The following IL10RB variants were observed in gnomAD, a reference collection of about 807,000 sequenced individuals.
IL10RB encodes interleukin 10 receptor subunit beta, also known as interleukin-10 receptor subunit beta.
In IL10RB, 30 loss-of-function variants were observed where a neutral mutation model predicts 38.7. That is an observed-to-expected ratio of 0.78 (90% CI 0.58 to 1.05). IL10RB has a LOEUF of 1.05. IL10RB is among the 50% of genes least tolerant of loss of function. The pLI is 0.00. For synonymous variants in IL10RB, 142 were observed against 145.9 expected, an observed-to-expected ratio of 0.97 and a Z score of 0.19; for missense variants, 328 against 397.1, an observed-to-expected ratio of 0.83 and a Z score of 1.48.
At position 33,296,595 on chromosome 21, in the gene IL10RB, T is replaced by C. The variant is rs998948453; in HGVS notation, c.*238T>C. The C allele has an allele frequency of 3.3e-5, 22 of 658,104 alleles. No individual in the cohort carries two copies. The highest frequency in any genetic ancestry group is 5.3e-5 in the Non-Finnish European group (19 of 357,354). The allele number at this position is 658,104 out of a possible 1,614,324, so 40.8% of individuals were successfully genotyped here. A position where few individuals can be genotyped will look rare whatever the true frequency, so the allele number is the denominator to read the frequency against. On this transcript the variant is annotated 3_prime_UTR_variant, in exon 7 of 7. Transcript: ENST00000290200. Reference sequence around the variant, plus strand: ...AGGCTTTCATGATGTTTTCAGAAGTTGGCCACTGAGAGTGTAATTTTCAGC... The same window carrying C: ...AGGCTTTCATGATGTTTTCAGAAGTCGGCCACTGAGAGTGTAATTTTCAGC...
chr21:33,291,558 G>A (rs1022677181), intron 6 of IL10RB, among the ~76,000 whole-genome samples: 9 of 152,166 alleles, frequency 5.9e-5, no homozygotes, highest in Non-Finnish European at 1.2e-4. Context: ...GAGCCACAGC[G>A]CCTGGCCCAG....
At chr21:33,276,509 G>A (rs758147682) in intron 2 of IL10RB, 87 bp from the exon 3 acceptor site, 58 of 1,025,894 alleles carry the variant, frequency 5.7e-5, no homozygotes, top group African/African-American at 1.6e-4. Flanking sequence ...CTCCCGCGCC[G>A]CCCCCCCCTC....
rs746600389 is a variant in IL10RB at position 33,279,746 on chromosome 21, GC to G, written c.332-5del. 7.5e-5 allele frequency: 121 copies of G among 1,612,926 alleles called. No homozygotes were observed. The highest frequency in any genetic ancestry group is 9.8e-5 in the Non-Finnish European group (115 of 1,179,124). On this transcript the variant is annotated splice_polypyrimidine_tract_variant and splice_region_variant and intron_variant, in intron 3 of 6. Transcript: ENST00000290200. The stretch of plus-strand genomic sequence containing the variant: ...TGATTGTCATTTTGCTTGTTCTTCT[GC>G]TTAGCCATTATTGGACCCCCTGGAA...
intron 6 of IL10RB, among the ~76,000 whole-genome samples, chr21:33,292,596 C>T (rs2123600142): frequency 6.6e-6 from 1 of 152,284 alleles, no homozygotes; most frequent in Non-Finnish European, 1.5e-5. Context: ...CCTCGCGTCC[C>T]TCGTCAGAAG....
At chr21:33,305,723 G>T (rs2123615704) in intron 1 of IL10RB, among the ~76,000 whole-genome samples, 1 of 152,330 alleles carries the variant, frequency 6.6e-6, no homozygotes, top group African/African-American at 2.4e-5. Context: ...CCTGCAGGAA[G>T]AGAGCACACC....
At chr21:33,290,941 A>T (rs1338988764) in intron 6 of IL10RB, among the ~76,000 whole-genome samples, 1 of 152,128 alleles carries the variant, frequency 6.6e-6, no homozygotes, top group African/African-American at 2.4e-5. Flanking sequence ...AGACGTCCAA[A>T]ATCAAGGTGT....
At chr21:33,292,559 G>T (rs1257244614) in intron 6 of IL10RB, among the ~76,000 whole-genome samples, 1 of 152,096 alleles carries the variant, frequency 6.6e-6, no homozygotes, top group Non-Finnish European at 1.5e-5. Context: ...CAGGCCTCAT[G>T]ATGGTCACTT....
At chr21:33,291,318 TG>T (rs1397870639) in intron 6 of IL10RB, among the ~76,000 whole-genome samples, 1 of 151,168 alleles carries the variant, frequency 6.6e-6, no homozygotes, top group Admixed American at 6.6e-5. Context: ...CAGGCTGGAG[TG>T]GAGTGGCATG....
intron 2 of IL10RB, among the ~76,000 whole-genome samples, chr21:33,273,658 C>T (rs977272733): frequency 6.6e-6 from 1 of 152,208 alleles, no homozygotes. Context: ...TGTTCGGTAG[C>T]ATTTTACTCA....
Position 33,283,178 on chromosome 21 carries a change from C to A in IL10RB, c.583C>A (p.Leu195Ile), listed in dbSNP as rs1157096197. Residue 195 changes from leucine to isoleucine, a missense_variant, in exon 5 of 7, where the codon CTT becomes ATT. Leu to Ile is a conservative substitution (Grantham distance 5). Coordinates refer to ENST00000290200, the MANE Select transcript of IL10RB (RefSeq NM_000628.5). ...TTATTGTGTTCAAGTTCGAGGGTTT[C>A]TTCCTGATCGGAACAAAGCTGGGGA... is the stretch of plus-strand genomic sequence containing the variant. ...TTYCVQVRGF[L>I]PDRNKAGEWS... is the part of the protein sequence containing the mutation. 1 of 1,613,980 alleles carries A rather than the reference C, an allele frequency of 6.2e-7. No homozygotes were observed. The highest frequency in any genetic ancestry group is 1.3e-5 in the African/African-American group (1 of 74,918).
chr21:33,273,122 G>A (rs1241159508), intron 2 of IL10RB, among the ~76,000 whole-genome samples: 1 of 152,168 alleles, frequency 6.6e-6, no homozygotes, highest in Non-Finnish European at 1.5e-5. Flanking sequence ...CCTAGATGGT[G>A]TAGCCTCGTA....
chr21:33,301,618 A>G (rs182835868), downstream of IL10RB, among the ~76,000 whole-genome samples: 2 of 152,282 alleles, frequency 1.3e-5, no homozygotes. Context: ...TGAGGGTCGC[A>G]TTGCACACCT....
At position 33,288,169 on chromosome 21, in the gene IL10RB, C is replaced by G; in HGVS notation, c.712C>G (p.Leu238Val). 1.2e-6 allele frequency: 2 copies of G among 1,614,106 alleles called. No individual in the cohort carries two copies. The highest frequency in any genetic ancestry group is 1.7e-6 in the Non-Finnish European group (2 of 1,179,972). The change falls in exon 6 of 7, where the codon CTC (leucine) becomes GTC (valine). Residue 238 changes from leucine (L) to valine (V), a missense_variant. Physicochemically the swap from Leu to Val is conservative, Grantham distance 32 (BLOSUM62 1). Coordinates refer to ENST00000290200, the MANE Select transcript of IL10RB (RefSeq NM_000628.5). The stretch of plus-strand genomic sequence containing the variant: ...CTCGGTCTTCATGGTCTGCCTGGCA[C>G]TCCTCGGCTGCTTCGCCTTGCTGTG... ...MASVFMVCLALLGCFALLWCV... is the reference protein window; with the variant it reads ...MASVFMVCLAVLGCFALLWCV...
At chr21:33,275,316 C>T (rs371812751) in intron 2 of IL10RB, among the ~76,000 whole-genome samples, 200 of 152,098 alleles carry the variant, frequency 1.3e-3, no homozygotes, top group African/African-American at 4.5e-3. Flanking sequence ...CCACCATGCC[C>T]GGCTAATTTT....
At chr21:33,307,449 C>T (rs1450767446) in intron 1 of IL10RB, among the ~76,000 whole-genome samples, 1 of 152,150 alleles carries the variant, frequency 6.6e-6, no homozygotes, top group Non-Finnish European at 1.5e-5. Context: ...CATGAGAAAT[C>T]CCTTTGTCTT....
intron 2 of IL10RB, among the ~76,000 whole-genome samples, chr21:33,270,394 T>C (rs1989053739): frequency 1.3e-5 from 2 of 151,994 alleles, no homozygotes; most frequent in South Asian, 4.1e-4. Flanking sequence ...CTTTTTTTTT[T>C]TTTTGAGACG....
chr21:33,282,693 C>T (rs1456658389), intron 4 of IL10RB, among the ~76,000 whole-genome samples: 2 of 152,130 alleles, frequency 1.3e-5, no homozygotes, highest in African/African-American at 4.8e-5. Context: ...AAGCGATTCT[C>T]GTGCGCCACC....
chr21:33,280,485 A>G (rs1960771275), intron 4 of IL10RB, among the ~76,000 whole-genome samples: 1 of 152,246 alleles, frequency 6.6e-6, no homozygotes. Context: ...ATAATAACCT[A>G]CTTCGTAAGA....
At chr21:33,306,584 G>A (rs1349541241) in intron 1 of IL10RB, among the ~76,000 whole-genome samples, 2 of 152,138 alleles carry the variant, frequency 1.3e-5, no homozygotes, top group Non-Finnish European at 2.9e-5. Flanking sequence ...GTTGTTTGGA[G>A]TGCAGTGGTG....
Sources: gnomAD v4.1 joint callset for allele counts (sites outside exome capture counted in the v4.1 genomes callset) on GRCh38, gnomAD v4.1.1 for gene constraint, MANE v1.5 for transcripts, NCBI Gene and HGNC (gene_info 2026-07-23, HGNC 2026-07-21) for gene names.